The following ARL15 variants were observed in gnomAD, a reference collection of about 807,000 sequenced individuals.
The protein encoded by ARL15 is ADP-ribosylation factor-like protein 15.
Under a neutral mutation model 25.2 loss-of-function variants are expected in ARL15, and 19 were observed. The observed-to-expected ratio is 0.75, with a 90% CI of 0.53 to 1.10. The LOEUF is 1.10. Ranked by LOEUF, ARL15 falls within the 50% of genes least tolerant of loss-of-function variation. The pLI is 0.00. For synonymous variants in ARL15, 94 were observed against 86.8 expected, an observed-to-expected ratio of 1.08 and a Z score of -0.46; for missense variants, 220 against 246.0, an observed-to-expected ratio of 0.89 and a Z score of 0.71.
At chr5:54,144,091 TGAAA>T (rs1753841645) in intron 3 of ARL15, among the ~76,000 whole-genome samples, 1 of 152,090 alleles carries the variant, frequency 6.6e-6, no homozygotes, top group Non-Finnish European at 1.5e-5. Context: ...TGTGTATGTG[TGAAA>T]GAGAGAGAAA....
chr5:53,981,041 G>T (rs1314371573), intron 4 of ARL15, among the ~76,000 whole-genome samples: 1 of 152,102 alleles, frequency 6.6e-6, no homozygotes, highest in African/African-American at 2.4e-5. Flanking sequence ...GGGAATTACT[G>T]AAGGAACCCG....
chr5:54,102,428 G>A (rs1447299102), intron 4 of ARL15, among the ~76,000 whole-genome samples: 2 of 151,898 alleles, frequency 1.3e-5, no homozygotes, highest in African/African-American at 2.4e-5. Flanking sequence ...TGGAAAATCG[G>A]GACATTTATC....
At chr5:54,252,873 G>T (rs770180226) in intron 1 of ARL15, among the ~76,000 whole-genome samples, 3 of 151,980 alleles carry the variant, frequency 2.0e-5, no homozygotes, top group Non-Finnish European at 2.9e-5. Flanking sequence ...ATAGAGGCGC[G>T]CACCACCATG....
chr5:53,935,260 A>G (rs1746316876), intron 4 of ARL15, among the ~76,000 whole-genome samples: 1 of 152,242 alleles, frequency 6.6e-6, no homozygotes, highest in African/African-American at 2.4e-5. Context: ...CCACTTAGTG[A>G]AGGAGCTCTT....
At chr5:54,247,802 C>T (rs1337205158) in intron 1 of ARL15, among the ~76,000 whole-genome samples, 1 of 151,954 alleles carries the variant, frequency 6.6e-6, no homozygotes, top group Non-Finnish European at 1.5e-5. Context: ...TGGACAAATG[C>T]TTGTCAGGTT....
rs1352612930 is a variant in ARL15 at position 54,195,665 on chromosome 5, T to G, written c.49-23737A>C. Reference sequence around the variant, plus strand: ...AGAAATGTCCCTTCATATTCAACCCTCCTAGAGATGATCAGTGCTCAATCC... The same window carrying G: ...AGAAATGTCCCTTCATATTCAACCCGCCTAGAGATGATCAGTGCTCAATCC... On this transcript the variant is annotated intron_variant, in intron 1 of 4. Transcript: ENST00000504924. 2.6e-5 allele frequency among the ~76,000 whole-genome samples: 4 copies of G among 152,248 alleles called. No homozygotes were observed. In the East Asian group the frequency reaches 7.7e-4, roughly 29 times the overall value.
intron 2 of ARL15, among the ~76,000 whole-genome samples, chr5:54,158,299 G>C (rs184232551): frequency 6.6e-6 from 1 of 152,130 alleles, no homozygotes; most frequent in Non-Finnish European, 1.5e-5. Flanking sequence ...AGCATTCTCT[G>C]GTGTCCTCGA....
intron 4 of ARL15, among the ~76,000 whole-genome samples, chr5:53,973,270 T>C (rs1747810722): frequency 6.6e-6 from 1 of 152,068 alleles, no homozygotes; most frequent in African/African-American, 2.4e-5. Flanking sequence ...GCCCTGTCTC[T>C]ACAAATAAAT....
At position 54,004,401 on chromosome 5, in the gene ARL15, G is replaced by A. The variant is rs548955146; in HGVS notation, c.462+108801C>T. On this transcript the variant is annotated intron_variant, in intron 4 of 4. Coordinates refer to ENST00000504924, the MANE Select transcript of ARL15 (RefSeq NM_019087.3). ...CCAGCTACTCAGGAGGCTGAGGCAG[G>A]AGAATCGCTTGAACCCGGGAGGTGG... is the stretch of plus-strand genomic sequence containing the variant. Among the ~76,000 whole-genome samples the A allele has an allele frequency of 4.0e-5, 6 of 151,856 alleles. No homozygotes were observed. The South Asian group carries it at 8.3e-4, about 21-fold the overall frequency.
intron 1 of ARL15, among the ~76,000 whole-genome samples, chr5:54,201,784 T>C (rs972456881): frequency 6.6e-6 from 1 of 152,176 alleles, no homozygotes; most frequent in African/African-American, 2.4e-5. Context: ...TGGCCTTTAC[T>C]GAGCATCATT....
chr5:54,056,804 C>T (rs1750887146), intron 4 of ARL15, among the ~76,000 whole-genome samples: 1 of 152,064 alleles, frequency 6.6e-6, no homozygotes, highest in Admixed American at 6.6e-5. Flanking sequence ...CTGTCTTTTA[C>T]TAACTGCTTA....
At chr5:54,069,374 C>A (rs918276958) in intron 4 of ARL15, among the ~76,000 whole-genome samples, 1 of 151,776 alleles carries the variant, frequency 6.6e-6, no homozygotes, top group Non-Finnish European at 1.5e-5. Context: ...AGTTGGAGAC[C>A]AGCCTGGCCA....
intron 3 of ARL15, among the ~76,000 whole-genome samples, chr5:54,139,727 A>G (rs1451290833): frequency 2.0e-5 from 3 of 152,074 alleles, no homozygotes; most frequent in African/African-American, 7.2e-5. Context: ...AGCTACTTGG[A>G]AGGCTGAGGT....
intron 3 of ARL15, among the ~76,000 whole-genome samples, chr5:54,117,402 C>CAA (rs1283665501): frequency 6.6e-6 from 1 of 151,168 alleles, no homozygotes; most frequent in Non-Finnish European, 1.5e-5. Context: ...CACACACACA[C>CAA]ACACAAACCC....
At chr5:54,205,608 T>G (rs1561266135) in intron 1 of ARL15, among the ~76,000 whole-genome samples, 1 of 152,206 alleles carries the variant, frequency 6.6e-6, no homozygotes, top group Non-Finnish European at 1.5e-5. Context: ...TAAACTATTA[T>G]GCTAGAATCC....
chr5:54,216,103 T>C (rs1420971852), intron 1 of ARL15, among the ~76,000 whole-genome samples: 1 of 152,178 alleles, frequency 6.6e-6, no homozygotes, highest in Non-Finnish European at 1.5e-5. Context: ...GAGAAATCTA[T>C]TGTAAGTCAA....
At position 54,290,320 on chromosome 5, in the gene ARL15, T is replaced by C. The variant is rs1051809592; in HGVS notation, c.48+20112A>G. On this transcript the variant is annotated intron_variant, in intron 1 of 4. Transcript: ENST00000504924. ...TCACTCAACCTTTTTTTTTTTTTTT[T>C]TGAGGTAGAGTCTCACTCTGTCATG... 8.6e-5 allele frequency among the ~76,000 whole-genome samples: 13 copies of C among 151,824 alleles called. No homozygotes were observed. In the East Asian group the frequency reaches 2.5e-3, roughly 29 times the overall value.
chr5:54,035,055 G>A (rs527989395), intron 4 of ARL15, among the ~76,000 whole-genome samples: 1 of 151,944 alleles, frequency 6.6e-6, no homozygotes, highest in East Asian at 1.9e-4. Flanking sequence ...AACGACTTCT[G>A]GCTGAGAACA....
At chr5:54,096,282 T>C (rs982362378) in intron 4 of ARL15, among the ~76,000 whole-genome samples, 2 of 152,224 alleles carry the variant, frequency 1.3e-5, no homozygotes, top group African/African-American at 2.4e-5. Context: ...TTAATCTTTG[T>C]ACCTGTCATT....
Sources: gnomAD v4.1 joint callset for allele counts (sites outside exome capture counted in the v4.1 genomes callset) on GRCh38, gnomAD v4.1.1 for gene constraint, MANE v1.5 for transcripts, NCBI Gene and HGNC (gene_info 2026-07-23, HGNC 2026-07-21) for gene names.